The following GNPAT variants were observed in gnomAD, a reference collection of about 807,000 sequenced individuals.
GNPAT encodes glyceronephosphate O-acyltransferase, also known as dihydroxyacetone phosphate acyltransferase.
In GNPAT, 30 loss-of-function variants were observed where a neutral mutation model predicts 78.4. That is an observed-to-expected ratio of 0.38 (90% CI 0.29 to 0.52). GNPAT has a LOEUF of 0.52. GNPAT is among the 20% of genes least tolerant of loss of function. The probability of loss-of-function intolerance (pLI) is 0.84; values close to 1 mark genes in which losing one functional copy is unlikely to be tolerated. For missense variants in GNPAT, 714 were observed against 812.2 expected, an observed-to-expected ratio of 0.88 and a Z score of 1.47; for synonymous variants, 271 against 281.1, an observed-to-expected ratio of 0.96 and a Z score of 0.36.
chr1:231,269,024 T>A (rs1453943383), intron 9 of GNPAT, among the ~76,000 whole-genome samples: 1 of 151,466 alleles, frequency 6.6e-6, no homozygotes, highest in Non-Finnish European at 1.5e-5. Context: ...GAATACCTCC[T>A]CTGTGCTGGG....
At position 231,270,968 on chromosome 1, in the gene GNPAT, T is replaced by G; in HGVS notation, c.1490T>G (p.Val497Gly). 6.2e-7 allele frequency: 1 copy of G among 1,614,092 alleles called. No homozygotes were observed. Among genetic ancestry groups the G allele is most frequent in the Non-Finnish European group, 8.5e-7 (1 of 1,179,942 alleles). ...NIFVRPSLVA[V>G]ALQMTPGFRK... ...TTTGTGCGCCCATCCTTAGTAGCAGTAGCATTGCAGATGACACCAGGGTTC... is the reference window on the plus strand; with the variant it reads ...TTTGTGCGCCCATCCTTAGTAGCAGGAGCATTGCAGATGACACCAGGGTTC... Residue 497 changes from valine (V) to glycine (G), a missense_variant, in exon 10 of 16, where the codon GTA becomes GGA. By Grantham distance (109) the Val-to-Gly change is moderately radical. Transcript: ENST00000366647.
chr1:231,250,137 TG>T (rs1360556931), intron 1 of GNPAT, among the ~76,000 whole-genome samples: 1 of 151,402 alleles, frequency 6.6e-6, no homozygotes, highest in Non-Finnish European at 1.5e-5. Context: ...GGTCTTGCTA[TG>T]TTGCCCAGGC....
chr1:231,248,136 T>C (rs1334354464), intron 1 of GNPAT, among the ~76,000 whole-genome samples: 1 of 152,196 alleles, frequency 6.6e-6, no homozygotes, highest in Non-Finnish European at 1.5e-5. Flanking sequence ...ACAATAACTC[T>C]TGACTCTCCA....
At chr1:231,277,039 G>A (rs761388281) in intron 15 of GNPAT, among the ~76,000 whole-genome samples, 2 of 152,190 alleles carry the variant, frequency 1.3e-5, no homozygotes, top group Non-Finnish European at 2.9e-5. Flanking sequence ...GGGTAGAAGG[G>A]CAGTGGGGTA....
At chr1:231,243,067 A>G (rs1331551508) in intron 1 of GNPAT, among the ~76,000 whole-genome samples, 1 of 152,276 alleles carries the variant, frequency 6.6e-6, no homozygotes, top group African/African-American at 2.4e-5. Context: ...AGCAAACATT[A>G]GGAATATATA....
intron 2 of GNPAT, among the ~76,000 whole-genome samples, chr1:231,256,479 CTTTTTTTTTTTTTTT>C (rs10693276): frequency 1.3e-5 from 1 of 75,904 alleles, no homozygotes; most frequent in Non-Finnish European, 2.3e-5. Context: ...CTAATTTTCT[CTTTTTTTTTTTTTTT>C]TTTTTTTTTT....
At chr1:231,241,766 T>C (rs947822237) in intron 1 of GNPAT, among the ~76,000 whole-genome samples, 6 of 152,242 alleles carry the variant, frequency 3.9e-5, no homozygotes, top group Non-Finnish European at 5.9e-5. Flanking sequence ...GAATGAGAAT[T>C]GGAGTCTCCC....
intron 1 of GNPAT, among the ~76,000 whole-genome samples, chr1:231,250,657 CAG>C (rs1231153355): frequency 1.3e-5 from 2 of 152,162 alleles, no homozygotes; most frequent in African/African-American, 2.4e-5. Context: ...TGAAGTTGAT[CAG>C]ATTACTCTAG....
chr1:231,242,604 T>C (rs894722110), intron 1 of GNPAT, among the ~76,000 whole-genome samples: 3 of 152,236 alleles, frequency 2.0e-5, no homozygotes, highest in Non-Finnish European at 4.4e-5. Context: ...AACTTTGTTT[T>C]CTGACTCTGC....
At chr1:231,272,414 C>G (rs766835541) in intron 11 of GNPAT, 23 bp downstream of exon 11, 3 of 1,249,178 alleles carry the variant, frequency 2.4e-6, no homozygotes, top group Non-Finnish European at 2.4e-6. Context: ...CAACAAAGAG[C>G]AAGTATGTTT....
In GNPAT at chr1:231,276,149, T is replaced by C; in HGVS notation, c.1952T>C (p.Ile651Thr). Residue 651 changes from isoleucine (I) to threonine (T), a missense_variant, in exon 15 of 16, where the codon ATA becomes ACA. Coordinates refer to ENST00000366647, the MANE Select transcript of GNPAT (RefSeq NM_014236.4). ...TTTTCTCCTAGAAATAATAACTGTA[T>C]ATTTAATGTGAATGAACCTGCCACA... Reference protein sequence around the residue: ...VEKKKINNNCIFNVNEPATTK... With the variant: ...VEKKKINNNCTFNVNEPATTK... The C allele has an allele frequency of 1.5e-6, 2 of 1,301,394 alleles. No individual in the cohort carries two copies. Among genetic ancestry groups the C allele is most frequent in the Non-Finnish European group, 2.2e-6 (2 of 897,654 alleles). The allele number at this position is 1,301,394 out of a possible 1,614,324, so 80.6% of individuals were successfully genotyped here. A position where few individuals can be genotyped will look rare whatever the true frequency, so the allele number is the denominator to read the frequency against.
Position 231,251,110 on chromosome 1 carries a change from C to G in GNPAT, c.228C>G (p.Leu76=). The G allele has an allele frequency of 6.3e-7, 1 of 1,595,298 alleles. No individual in the cohort carries two copies. The highest frequency in any genetic ancestry group is 8.6e-7 in the Non-Finnish European group (1 of 1,164,192). Residue 76 remains leucine, a synonymous_variant, in exon 2 of 16, where the codon CTC becomes CTG. Coordinates refer to ENST00000366647, the MANE Select transcript of GNPAT (RefSeq NM_014236.4). ...CKPIDIKCSV[L]NSEEIHYVIK... is the part of the protein sequence containing the mutation. The stretch of plus-strand genomic sequence containing the variant: ...CAATTGATATTAAATGTAGTGTTCT[C>G]AATTCTGAGGAGATTCATTATGTCA...
At chr1:231,273,566 A>G (rs1685627052) in intron 11 of GNPAT, among the ~76,000 whole-genome samples, 1 of 152,142 alleles carries the variant, frequency 6.6e-6, no homozygotes, top group Admixed American at 6.5e-5. Flanking sequence ...TTTTTTAACC[A>G]TAGCATAATT....
In GNPAT at chr1:231,260,334, A is replaced by T. The variant is rs1685187707; in HGVS notation, c.262-173A>T. 2.6e-5 allele frequency among the ~76,000 whole-genome samples: 4 copies of T among 151,226 alleles called. No individual in the cohort carries two copies. The South Asian group carries it at 8.4e-4, about 32-fold the overall frequency. On this transcript the variant is annotated intron_variant, in intron 2 of 15. Coordinates refer to ENST00000366647, the MANE Select transcript of GNPAT (RefSeq NM_014236.4). ...ATTTCTGGCCTTTAAACTTCTTTAA[A>T]TAGGCTCATTTATCTACTATGACTG... is the stretch of plus-strand genomic sequence containing the variant.
In GNPAT at chr1:231,266,003, G is replaced by A. The variant is rs767954592; in HGVS notation, c.773-11G>A. On this transcript the variant is annotated splice_polypyrimidine_tract_variant and intron_variant, in intron 6 of 15. Transcript: ENST00000366647. ...ATATGTTGATGAAGCATTTCTCCCT[G>A]TGTTTTGCAGGTCTTCTGAATATTG... The A allele has an allele frequency of 6.2e-7, 1 of 1,610,090 alleles. No homozygotes were observed. Among genetic ancestry groups the A allele is most frequent in the Non-Finnish European group, 8.5e-7 (1 of 1,177,738 alleles).
At chr1:231,260,833 A>G in intron 3 of GNPAT, 150 bp downstream of exon 3, 2 of 642,848 alleles carry the variant, frequency 3.1e-6, no homozygotes, top group East Asian at 2.7e-5. Context: ...CCTAATCATC[A>G]GGCCTCCAGT....
At chr1:231,246,266 A>G (rs1367789684) in intron 1 of GNPAT, among the ~76,000 whole-genome samples, 1 of 152,206 alleles carries the variant, frequency 6.6e-6, no homozygotes, top group Non-Finnish European at 1.5e-5. Context: ...GAGCTCTCCC[A>G]TATCAAGCGT....
At chr1:231,257,458 G>A (rs540301581) in intron 2 of GNPAT, among the ~76,000 whole-genome samples, 1 of 152,268 alleles carries the variant, frequency 6.6e-6, no homozygotes, top group African/African-American at 2.4e-5. Flanking sequence ...TCTCCACGTT[G>A]TCTTTTGCTG....
chr1:231,251,331 G>A (rs1027593487), intron 2 of GNPAT, among the ~76,000 whole-genome samples, 188 bp downstream of exon 2: 1 of 152,190 alleles, frequency 6.6e-6, no homozygotes, highest in Non-Finnish European at 1.5e-5. Flanking sequence ...CTAACAGTGA[G>A]CGAGTTGAGC....
Sources: allele counts gnomAD v4.1 joint callset (sites outside exome capture counted in the v4.1 genomes callset), GRCh38; gene constraint gnomAD v4.1.1; transcripts MANE v1.5; gene names NCBI Gene and HGNC (gene_info 2026-07-23, HGNC 2026-07-21).